Variants in PRKN observed in about 807,000 individuals in gnomAD.
PRKN encodes E3 ubiquitin-protein ligase parkin.
A neutral mutation model predicts 59.5 loss-of-function variants in PRKN; 56 were observed. That is an observed-to-expected ratio of 0.94 (90% CI 0.76 to 1.18). PRKN has a LOEUF of 1.18. Ranked by LOEUF, PRKN falls within the 50% of genes most tolerant of loss-of-function variation. The probability of loss-of-function intolerance (pLI) is 0.00; values close to 1 mark genes in which losing one functional copy is unlikely to be tolerated. For synonymous variants in PRKN, 250 were observed against 222.1 expected (o/e 1.13, Z -1.12); for missense variants, 657 against 596.4 (o/e 1.10, Z -1.06).
At chr6:162,342,934 T>C (rs1784248089) in intron 2 of PRKN, among the ~76,000 whole-genome samples, 1 of 152,190 alleles carries the variant, frequency 6.6e-6, no homozygotes, top group African/African-American at 2.4e-5. Context: ...GTTGCTCCTT[T>C]CATAAAATCT....
intron 1 of PRKN, chr6:162,568,613 G>C (rs1432693563): frequency 1.1e-6 from 1 of 893,188 alleles, no homozygotes; most frequent in East Asian, 2.5e-5. Flanking sequence ...TCAACAACAA[G>C]TTTGCCTCCT....
chr6:161,927,216 C>A (rs1779002097), intron 6 of PRKN, among the ~76,000 whole-genome samples: 1 of 152,164 alleles, frequency 6.6e-6, no homozygotes, highest in Admixed American at 6.5e-5. Context: ...ATTCTCCAAA[C>A]CCACTTGCAT....
At chr6:161,430,292 G>A (rs1291731231) in intron 9 of PRKN, among the ~76,000 whole-genome samples, 3 of 152,204 alleles carry the variant, frequency 2.0e-5, no homozygotes, top group African/African-American at 7.2e-5. Flanking sequence ...CATGAGGGTA[G>A]AGTCCTTAGG....
intron 3 of PRKN, among the ~76,000 whole-genome samples, chr6:162,231,521 A>C (rs1778417023): frequency 1.3e-5 from 2 of 152,218 alleles, no homozygotes; most frequent in African/African-American, 4.8e-5. Context: ...CAACAAAGTG[A>C]TAAGGTGTGA....
intron 4 of PRKN, among the ~76,000 whole-genome samples, chr6:162,199,595 G>A (rs1204855612): frequency 1.3e-5 from 2 of 152,150 alleles, no homozygotes; most frequent in African/African-American, 2.4e-5. Flanking sequence ...GAGGAGAGGA[G>A]CAAGTGGAAG....
intron 2 of PRKN, among the ~76,000 whole-genome samples, chr6:162,398,340 CACAAATTTGCTGTTATAAAGAGTAAG>C (rs1253674165): frequency 6.6e-6 from 1 of 151,938 alleles, no homozygotes; most frequent in Non-Finnish European, 1.5e-5. Flanking sequence ...TGAATATCAA[CACAAATTTGCTGTTATAAAGAGTAAG>C]ACAACTTCAG....
intron 4 of PRKN, among the ~76,000 whole-genome samples, chr6:162,174,194 G>A (rs1783425311): frequency 1.3e-5 from 2 of 152,192 alleles, no homozygotes; most frequent in South Asian, 2.1e-4. Flanking sequence ...TGAGAAAGGT[G>A]ATGGGCTGTC....
chr6:162,344,549 C>T (rs1438825603), intron 2 of PRKN, among the ~76,000 whole-genome samples: 1 of 152,022 alleles, frequency 6.6e-6, no homozygotes, highest in East Asian at 1.9e-4. Flanking sequence ...TCACTGCCCT[C>T]ACAGCTGGGT....
chr6:161,477,127 C>T (rs1562475066), intron 9 of PRKN, among the ~76,000 whole-genome samples: 2 of 152,136 alleles, frequency 1.3e-5, no homozygotes, highest in Non-Finnish European at 2.9e-5. Context: ...AGTTTCCTAC[C>T]CAGCATTTTG....
At chr6:162,172,974 TA>T (rs999111678) in intron 4 of PRKN, among the ~76,000 whole-genome samples, 7 of 152,096 alleles carry the variant, frequency 4.6e-5, no homozygotes, top group African/African-American at 1.7e-4. Flanking sequence ...AGAAACAGCC[TA>T]GGGGTGAGAT....
intron 9 of PRKN, among the ~76,000 whole-genome samples, chr6:161,479,433 C>G (rs1431855899): frequency 6.6e-6 from 1 of 152,016 alleles, no homozygotes; most frequent in Admixed American, 6.5e-5. Context: ...TTTCATTTTG[C>G]TTGAATGTGT....
intron 9 of PRKN, among the ~76,000 whole-genome samples, chr6:161,513,775 C>T (rs1015886628): frequency 2.6e-5 from 4 of 152,118 alleles, no homozygotes; most frequent in African/African-American, 9.7e-5. Flanking sequence ...GAAAGCACTA[C>T]TTTACAACGA....
chr6:162,121,601 T>TATTGTTGTCCAACAA, intron 4 of PRKN, among the ~76,000 whole-genome samples: 1 of 152,230 alleles, frequency 6.6e-6, no homozygotes, highest in East Asian at 1.9e-4. Context: ...AAGGGCCTTA[T>TATTGTTGTCCAACAA]GATCCAACAG....
intron 9 of PRKN, among the ~76,000 whole-genome samples, chr6:161,536,925 G>C (rs567394732): frequency 3.3e-4 from 50 of 152,318 alleles, no homozygotes; most frequent in Non-Finnish European, 5.4e-4. Context: ...ACAATGTGAA[G>C]CAGTTCCCAT....
At chr6:161,725,719 T>C (rs1787413901) in intron 7 of PRKN, among the ~76,000 whole-genome samples, 1 of 152,218 alleles carries the variant, frequency 6.6e-6, no homozygotes, top group Admixed American at 6.5e-5. Flanking sequence ...CAATTAACTT[T>C]AATACTTAGC....
At chr6:162,419,824 A>G (rs1788860474) in intron 2 of PRKN, among the ~76,000 whole-genome samples, 1 of 152,074 alleles carries the variant, frequency 6.6e-6, no homozygotes, top group South Asian at 2.1e-4. Context: ...AGAAAGAGAG[A>G]GAGAGAACCA....
At chr6:162,154,603 A>C (rs1782423422) in intron 4 of PRKN, among the ~76,000 whole-genome samples, 2 of 152,070 alleles carry the variant, frequency 1.3e-5, no homozygotes, top group Admixed American at 6.6e-5. Flanking sequence ...TATCCTCAGC[A>C]TCTGTTAGTT....
intron 4 of PRKN, among the ~76,000 whole-genome samples, chr6:162,160,783 C>T (rs1477961139): frequency 6.8e-6 from 1 of 147,560 alleles, no homozygotes; most frequent in African/African-American, 2.5e-5. Flanking sequence ...CCCAGCTACT[C>T]GGGAGGCTGA....
chr6:162,392,435 C>G (rs574426607), intron 2 of PRKN, among the ~76,000 whole-genome samples: 363 of 152,268 alleles, frequency 2.4e-3, no homozygotes, highest in Admixed American at 4.2e-3. Flanking sequence ...AGCTTGCCTG[C>G]TCTCACTTGC....
Sources: allele counts gnomAD v4.1 joint callset (sites outside exome capture counted in the v4.1 genomes callset), GRCh38; gene constraint gnomAD v4.1.1; transcripts MANE v1.5; gene names NCBI Gene and HGNC (gene_info 2026-07-23, HGNC 2026-07-21).